CADM2: variants seen among roughly 807,000 people sequenced by gnomAD.
The protein encoded by CADM2 is immunoglobulin superfamily member 4D.
CADM2 carries 12 observed loss-of-function variants against 49.8 expected under a neutral mutation model. That is an observed-to-expected ratio of 0.24 (90% confidence interval 0.15 to 0.39). The LOEUF (loss-of-function observed/expected upper bound fraction) is 0.39, where lower values mean the gene tolerates loss of function less well. Among genes scored for constraint, CADM2 ranks in the 10% least tolerant of loss-of-function variants. The pLI, the probability that CADM2 is intolerant of heterozygous loss-of-function variation, is 1.00. For missense variants in CADM2, 378 were observed against 492.3 expected (o/e 0.77, Z 2.20); for synonymous variants, 214 against 175.4 (o/e 1.22, Z -1.74).
chr3:86,023,809 G>A (rs1577983243), intron 8 of CADM2, among the ~76,000 whole-genome samples: 1 of 152,078 alleles, frequency 6.6e-6, no homozygotes, highest in African/African-American at 2.4e-5. Context: ...TTTTTAGACT[G>A]CCAACTCTGT....
intron 1 of CADM2, among the ~76,000 whole-genome samples, chr3:85,029,433 A>C (rs893578883): frequency 2.0e-5 from 3 of 152,196 alleles, no homozygotes; most frequent in Non-Finnish European, 4.4e-5. Flanking sequence ...CTCTTAAATG[A>C]TGTCCACCTG....
chr3:85,379,999 A>G (rs1366115835), intron 1 of CADM2, among the ~76,000 whole-genome samples: 1 of 152,158 alleles, frequency 6.6e-6, no homozygotes, highest in East Asian at 1.9e-4. Context: ...CAAAGTCTGC[A>G]TGAGTATTTC....
chr3:85,067,001 C>T (rs2036550329), intron 1 of CADM2, among the ~76,000 whole-genome samples: 1 of 151,942 alleles, frequency 6.6e-6, no homozygotes, highest in Admixed American at 6.6e-5. Flanking sequence ...ATATTTGTAT[C>T]ATTTTGAGAT....
At chr3:85,007,511 A>C (rs1406949322) in intron 1 of CADM2, among the ~76,000 whole-genome samples, 1 of 152,188 alleles carries the variant, frequency 6.6e-6, no homozygotes, top group Non-Finnish European at 1.5e-5. Context: ...CATACAAAGA[A>C]ATTATTAAAT....
At chr3:85,106,733 A>G (rs965767394) in intron 1 of CADM2, among the ~76,000 whole-genome samples, 2 of 152,148 alleles carry the variant, frequency 1.3e-5, no homozygotes, top group African/African-American at 2.4e-5. Flanking sequence ...ATGTGATGGC[A>G]GTGAATTCTA....
intron 1 of CADM2, among the ~76,000 whole-genome samples, chr3:85,399,388 T>C (rs549926028): frequency 2.6e-5 from 4 of 152,168 alleles, no homozygotes; most frequent in Non-Finnish European, 4.4e-5. Flanking sequence ...AGCCTTTTAG[T>C]ATAGTTTGAA....
intron 7 of CADM2, among the ~76,000 whole-genome samples, chr3:85,945,852 C>G (rs1722611813): frequency 6.6e-6 from 1 of 152,006 alleles, no homozygotes; most frequent in Non-Finnish European, 1.5e-5. Flanking sequence ...GGAAGCATTC[C>G]CTTTGAAAAC....
At chr3:85,702,976 A>C (rs1171406634) in intron 1 of CADM2, among the ~76,000 whole-genome samples, 1 of 152,186 alleles carries the variant, frequency 6.6e-6, no homozygotes, top group Non-Finnish European at 1.5e-5. Flanking sequence ...GATGTCAACT[A>C]TGAAACTAGG....
chr3:85,049,849 CA>C (rs1442112522), intron 1 of CADM2, among the ~76,000 whole-genome samples: 5 of 152,062 alleles, frequency 3.3e-5, no homozygotes, highest in Non-Finnish European at 1.5e-5. Context: ...CCAACTTTTT[CA>C]GTAGCATAAC....
intron 1 of CADM2, among the ~76,000 whole-genome samples, chr3:84,993,606 G>A (rs1022813384): frequency 2.0e-5 from 3 of 152,056 alleles, no homozygotes; most frequent in South Asian, 2.1e-4. Context: ...TTTTTTCCAC[G>A]GAAAACACCC....
At chr3:85,985,172 C>G (rs1423207156) in intron 8 of CADM2, among the ~76,000 whole-genome samples, 1 of 151,876 alleles carries the variant, frequency 6.6e-6, no homozygotes, top group Admixed American at 6.6e-5. Context: ...CTGGGAAAGC[C>G]AAGATCAAGT....
chr3:85,662,864 C>T (rs1488652564), intron 1 of CADM2, among the ~76,000 whole-genome samples: 2 of 152,048 alleles, frequency 1.3e-5, no homozygotes, highest in Admixed American at 1.3e-4. Context: ...GAGCCAAGAA[C>T]ATATTTTATT....
intron 1 of CADM2, among the ~76,000 whole-genome samples, chr3:85,363,728 C>G (rs879878702): frequency 5.3e-5 from 8 of 152,222 alleles, no homozygotes; most frequent in Non-Finnish European, 1.2e-4. Context: ...TCTCCTGCCT[C>G]AGCCTCCCGA....
intron 1 of CADM2, among the ~76,000 whole-genome samples, chr3:85,447,175 G>T (rs916561962): frequency 6.6e-6 from 1 of 151,240 alleles, no homozygotes; most frequent in Non-Finnish European, 1.5e-5. Flanking sequence ...TAATTCAAAG[G>T]AAAAGTGTCA....
At chr3:86,045,508 T>C (rs1287178967) in intron 8 of CADM2, among the ~76,000 whole-genome samples, 2 of 152,182 alleles carry the variant, frequency 1.3e-5, no homozygotes, top group East Asian at 1.9e-4. Flanking sequence ...TGCCCTGAAA[T>C]ATGTTACCAT....
chr3:85,924,611 A>ATAAATAAG (rs1479495167), intron 6 of CADM2, among the ~76,000 whole-genome samples: 2 of 151,522 alleles, frequency 1.3e-5, no homozygotes, highest in African/African-American at 4.8e-5. Context: ...AAATAAATAA[A>ATAAATAAG]TAAATAAATA....
intron 1 of CADM2, among the ~76,000 whole-genome samples, chr3:85,540,883 A>T (rs2061522881): frequency 6.6e-6 from 1 of 152,108 alleles, no homozygotes; most frequent in Non-Finnish European, 1.5e-5. Flanking sequence ...CTGTGTCCTC[A>T]CATGGTTCAT....
chr3:85,004,278 T>G (rs191916599), intron 1 of CADM2, among the ~76,000 whole-genome samples: 5 of 152,256 alleles, frequency 3.3e-5, no homozygotes, highest in African/African-American at 1.2e-4. Context: ...CAAATATCTT[T>G]TTCTCATTCT....
chr3:86,020,355 A>C (rs1258088001), intron 8 of CADM2, among the ~76,000 whole-genome samples: 1 of 151,994 alleles, frequency 6.6e-6, no homozygotes, highest in Non-Finnish European at 1.5e-5. Context: ...ATAGCTTACC[A>C]ACCAAAAAGA....
Sources: gnomAD v4.1 joint callset for allele counts (sites outside exome capture counted in the v4.1 genomes callset) on GRCh38, gnomAD v4.1.1 for gene constraint, MANE v1.5 for transcripts, NCBI Gene and HGNC (gene_info 2026-07-23, HGNC 2026-07-21) for gene names.